The following NRXN2 variants were observed in gnomAD, a reference collection of about 807,000 sequenced individuals.
NRXN2 encodes the protein neurexin-2-beta.
A neutral mutation model predicts 128.8 loss-of-function variants in NRXN2; 29 were observed. That is an observed-to-expected ratio of 0.23 (90% CI 0.17 to 0.31). The LOEUF is 0.31. Among genes scored for constraint, NRXN2 ranks in the 10% least tolerant of loss-of-function variants. NRXN2 has a pLI of 1.00. For missense variants in NRXN2, 1,881 were observed against 2,452.6 expected, an observed-to-expected ratio of 0.77 and a Z score of 4.92; for synonymous variants, 1,098 against 1,075.2, an observed-to-expected ratio of 1.02 and a Z score of -0.41.
intron 17 of NRXN2, among the ~76,000 whole-genome samples, chr11:64,640,671 G>A (rs1440433683): frequency 6.6e-6 from 1 of 152,146 alleles, no homozygotes; most frequent in African/African-American, 2.4e-5. Context: ...ACAGAGATAA[G>A]ATGAGGCAAA....
chr11:64,643,580 A>AGAGG (rs1232237534), intron 17 of NRXN2: 1 of 100,236 alleles, frequency 1.0e-5, no homozygotes, highest in Non-Finnish European at 2.0e-5. Flanking sequence ...AGAGAGGGAG[A>AGAGG]GAGGGAGGGA....
chr11:64,648,201 G>A lies in NRXN2; in HGVS notation c.3403+18C>T. On this transcript the variant is annotated intron_variant, in intron 17 of 22. Coordinates refer to ENST00000265459, the MANE Select transcript of NRXN2 (RefSeq NM_015080.4). The surrounding 1 kb of genome is among the most constrained non-coding windows in gnomAD (Gnocchi z 4.1). ...CCCTGGTCTCCCCAAACTGCCCCCA[G>A]CCCTCCCAGGCACTCACGATCATTG... The A allele has an allele frequency of 6.2e-7, 1 of 1,614,088 alleles. No individual in the cohort carries two copies. Among genetic ancestry groups the A allele is most frequent in the Non-Finnish European group, 8.5e-7 (1 of 1,180,002 alleles).
At chr11:64,715,309 C>A (rs2057264543) in intron 1 of NRXN2, among the ~76,000 whole-genome samples, 1 of 152,196 alleles carries the variant, frequency 6.6e-6, no homozygotes, top group African/African-American at 2.4e-5. Flanking sequence ...CCCAAGGTCA[C>A]ACGGCCAGTC....
At chr11:64,662,062 G>C (rs1370463765) in intron 9 of NRXN2, among the ~76,000 whole-genome samples, 1 of 150,552 alleles carries the variant, frequency 6.6e-6, no homozygotes, top group Non-Finnish European at 1.5e-5. Flanking sequence ...AGACCAGTCT[G>C]GCCAACATGG....
chr11:64,663,447 C>G (rs2049339496), intron 9 of NRXN2, among the ~76,000 whole-genome samples: 1 of 152,044 alleles, frequency 6.6e-6, no homozygotes, highest in Non-Finnish European at 1.5e-5. Context: ...TAGCTTTTCT[C>G]TCCATACAAG....
intron 6 of NRXN2, among the ~76,000 whole-genome samples, chr11:64,679,460 A>ACC (rs1185140165): frequency 6.6e-6 from 1 of 151,786 alleles, no homozygotes; most frequent in Non-Finnish European, 1.5e-5. Context: ...ACACGGTGAA[A>ACC]CCCCATCTCT....
Position 64,622,885 on chromosome 11 carries a change from C to T in NRXN2, c.4041G>A (p.Leu1347=). 1 of 1,612,988 alleles carries T rather than the reference C, an allele frequency of 6.2e-7. No individual in the cohort carries two copies. Among genetic ancestry groups the T allele is most frequent in the Non-Finnish European group, 8.5e-7 (1 of 1,179,864 alleles). ...TGGTGGCCGTGGTCTCCGCACTGAGCAGCACGGACGGCCCCTCCCCCACCA... is the reference window on the plus strand; with the variant it reads ...TGGTGGCCGTGGTCTCCGCACTGAGTAGCACGGACGGCCCCTCCCCCACCA... The part of the protein sequence containing the change: ...LRLVGEGPSV[L]LSAETTATTL... Residue 1347 remains leucine, a synonymous_variant, in exon 21 of 23, where the codon CTG becomes CTA. Coordinates refer to ENST00000265459, the MANE Select transcript of NRXN2 (RefSeq NM_015080.4). The surrounding 1 kb of genome is among the most constrained non-coding windows in gnomAD (Gnocchi z 4.3).
chr11:64,713,558 C>T lies in NRXN2; in HGVS notation c.142G>A (p.Ala48Thr). ...WARYARWAGA[A>T]SSGELSFSLR... Reference sequence around the variant, plus strand: ...CTGAAGCTGAGCTCGCCGCTGCTCGCCGCGCCCGCCCAGCGCGCGTAGCGA... The same window carrying T: ...CTGAAGCTGAGCTCGCCGCTGCTCGTCGCGCCCGCCCAGCGCGCGTAGCGA... The change falls in exon 2 of 23, where the codon GCG becomes ACG. Residue 48 changes from alanine to threonine, a missense_variant. By Grantham distance (58) the Ala-to-Thr change is moderately conservative. This residue lies in a region of NRXN2 where 997 missense variants were observed against 1,240.8 expected (regional missense o/e 0.80). Coordinates refer to ENST00000265459, the MANE Select transcript of NRXN2 (RefSeq NM_015080.4). 1.4e-6 allele frequency: 2 copies of T among 1,417,470 alleles called. No homozygotes were observed. Among genetic ancestry groups the T allele is most frequent in the Non-Finnish European group, 1.8e-6 (2 of 1,084,394 alleles). The allele number at this position is 1,417,470 out of a possible 1,614,324, so 87.8% of individuals were successfully genotyped here.
chr11:64,648,325 G>A lies in NRXN2; in HGVS notation c.3297C>T (p.Thr1099=). Residue 1099 remains threonine (T), a synonymous_variant, in exon 17 of 23, where the codon ACC becomes ACT. Transcript: ENST00000265459. The surrounding 1 kb of genome is among the most constrained non-coding windows in gnomAD (Gnocchi z 4.1). The part of the protein sequence containing the change: ...VERGCDGPST[T]CTEESCANQG... ...GGTTGGCACAGGACTCTTCAGTGCAGGTGGTGCTGGGGCCTGGAAGGGGCA... is the reference window on the plus strand; with the variant it reads ...GGTTGGCACAGGACTCTTCAGTGCAAGTGGTGCTGGGGCCTGGAAGGGGCA... 2 of 1,614,260 alleles carry A rather than the reference G, an allele frequency of 1.2e-6. No individual in the cohort carries two copies. Among genetic ancestry groups the A allele is most frequent in the Non-Finnish European group, 1.7e-6 (2 of 1,180,050 alleles).
chr11:64,715,901 C>G (rs2135683260), intron 1 of NRXN2, among the ~76,000 whole-genome samples: 1 of 152,318 alleles, frequency 6.6e-6, no homozygotes, highest in South Asian at 2.1e-4. Flanking sequence ...AATGCAGCAC[C>G]TGCTCCCAGC....
At position 64,660,986 on chromosome 11, in the gene NRXN2, C is replaced by A. The variant is rs777581241; in HGVS notation, c.1952G>T (p.Arg651Leu). 1.2e-6 allele frequency: 2 copies of A among 1,613,806 alleles called. No homozygotes were observed. The highest frequency in any genetic ancestry group is 4.5e-5 in the East Asian group (2 of 44,876). ...CCGCACACAGCCCACGTAGCCTGCC[C>A]GGAGTGCTGCTGTCCACACCTCTGG... ...LPPEVWTAAL[R>L]AGYVGCVRDL... Residue 651 changes from arginine (R) to leucine (L), a missense_variant, in exon 10 of 23, where the codon CGG becomes CTG. Transcript: ENST00000265459. The surrounding 1 kb of genome is among the most constrained non-coding windows in gnomAD (Gnocchi z 5.2).
chr11:64,696,249 ACT>A (rs1323288299), intron 3 of NRXN2, among the ~76,000 whole-genome samples: 1 of 151,810 alleles, frequency 6.6e-6, no homozygotes, highest in East Asian at 1.9e-4. Context: ...AGACACGCAG[ACT>A]CTCTCTGTGA....
At chr11:64,707,908 AC>A (rs2056505611) in intron 2 of NRXN2, among the ~76,000 whole-genome samples, 1 of 152,190 alleles carries the variant, frequency 6.6e-6, no homozygotes, top group African/African-American at 2.4e-5. Flanking sequence ...AGCCTGACCA[AC>A]ATGGAGAAAC....
chr11:64,711,573 ACT>A (rs1388938692), intron 2 of NRXN2, among the ~76,000 whole-genome samples: 1 of 151,092 alleles, frequency 6.6e-6, no homozygotes, highest in Non-Finnish European at 1.5e-5. Flanking sequence ...TCTTGGCCAG[ACT>A]CTCGGCCTCC....
At position 64,714,716 on chromosome 11, in the gene NRXN2, T is replaced by A. The variant is rs2057238501; in HGVS notation, c.-244-773A>T. On this transcript the variant is annotated intron_variant, in intron 1 of 22. Coordinates refer to ENST00000265459, the MANE Select transcript of NRXN2 (RefSeq NM_015080.4). This position sits in a 1 kb window ranked among gnomAD's most constrained non-coding sequence, Gnocchi z 4.5. ...TCAGGACTGGCCCCACTACCTGGGCTCTCTTTACCCCTCAGTTCCCTCTGC... is the reference window on the plus strand; with the variant it reads ...TCAGGACTGGCCCCACTACCTGGGCACTCTTTACCCCTCAGTTCCCTCTGC... 6.6e-6 allele frequency among the ~76,000 whole-genome samples: 1 copy of A among 152,096 alleles called. No homozygotes were observed. Among genetic ancestry groups the A allele is most frequent in the Non-Finnish European group, 1.5e-5 (1 of 68,020 alleles).
rs539375966 is a variant in NRXN2 at position 64,607,589 on chromosome 11, G to A, written c.4746C>T (p.Pro1582=). 3.9e-5 allele frequency: 60 copies of A among 1,533,840 alleles called. 1 individual carries two copies. The highest frequency in any genetic ancestry group is 1.4e-4 in the African/African-American group (10 of 72,764). Residue 1582 remains proline (P), a synonymous_variant, in exon 23 of 23, where the codon CCC becomes CCT. Transcript: ENST00000265459. The part of the protein sequence containing the change: ...QPLLENPPLG[P]GAPTSFEPRR... The stretch of plus-strand genomic sequence containing the variant: ...GCGGCTCAAAGGACGTGGGGGCCCC[G>A]GGCCCCAAGGGCGGGTTCTCCAGCA...
chr11:64,642,407 G>T, intron 17 of NRXN2: 1 of 1,323,962 alleles, frequency 7.6e-7, no homozygotes, highest in Non-Finnish European at 9.9e-7. Context: ...AAGGGGCTCC[G>T]GGACGCAAAG....
At chr11:64,699,549 G>A (rs1323941104) in intron 2 of NRXN2, among the ~76,000 whole-genome samples, 1 of 140,566 alleles carries the variant, frequency 7.1e-6, no homozygotes, top group Non-Finnish European at 1.5e-5. Context: ...TCCTGCCTCA[G>A]CCTCCGGCAT....
intron 9 of NRXN2, among the ~76,000 whole-genome samples, chr11:64,664,154 C>T (rs2135497631): frequency 6.6e-6 from 1 of 152,252 alleles, no homozygotes; most frequent in South Asian, 2.1e-4. Context: ...TATAAGTGTA[C>T]TTAACATCAC....
Sources: gnomAD v4.1 joint callset for allele counts (sites outside exome capture counted in the v4.1 genomes callset) on GRCh38, gnomAD v4.1.1 for gene constraint, gnomAD v4.1.1 regional missense constraint, Gnocchi (gnomAD v3.1) non-coding constraint, MANE v1.5 for transcripts, NCBI Gene and HGNC (gene_info 2026-07-23, HGNC 2026-07-21) for gene names.